The following CSMD1 variants were observed in gnomAD, a reference collection of about 807,000 sequenced individuals.
CSMD1 encodes CUB and sushi domain-containing protein 1.
In CSMD1, 213 loss-of-function variants were observed where a neutral mutation model predicts 417.5. That is an observed-to-expected ratio of 0.51 (90% CI 0.46 to 0.57). The LOEUF (loss-of-function observed/expected upper bound fraction) is 0.57, where lower values mean the gene tolerates loss of function less well. Among genes scored for constraint, CSMD1 ranks in the 20% least tolerant of loss-of-function variants. CSMD1 has a pLI of 0.00. For missense variants in CSMD1, 6,923 were observed against 4,529.7 expected, an observed-to-expected ratio of 1.53 and a Z score of -15.17; for synonymous variants, 2,862 against 1,736.8, an observed-to-expected ratio of 1.65 and a Z score of -16.11.
intron 1 of CSMD1, among the ~76,000 whole-genome samples, chr8:4,970,423 A>C (rs147023905): frequency 6.6e-6 from 1 of 152,296 alleles, no homozygotes; most frequent in East Asian, 1.9e-4. Context: ...CTTTACAAAC[A>C]TAATTCATGA....
At chr8:4,809,243 G>A (rs981938729) in intron 1 of CSMD1, among the ~76,000 whole-genome samples, 1 of 152,020 alleles carries the variant, frequency 6.6e-6, no homozygotes, top group Non-Finnish European at 1.5e-5. Flanking sequence ...TTATGAATTA[G>A]GAAAAAATAC....
intron 3 of CSMD1, among the ~76,000 whole-genome samples, chr8:4,064,505 G>A (rs1207517868): frequency 6.6e-6 from 1 of 152,176 alleles, no homozygotes; most frequent in Non-Finnish European, 1.5e-5. Flanking sequence ...CAAATGTGAG[G>A]CAGGGATAAC....
chr8:4,735,720 A>T (rs571896397), intron 1 of CSMD1, among the ~76,000 whole-genome samples: 3 of 152,224 alleles, frequency 2.0e-5, no homozygotes, highest in South Asian at 2.1e-4. Flanking sequence ...TATCTCCCTA[A>T]TATCTCCCTA....
intron 4 of CSMD1, among the ~76,000 whole-genome samples, chr8:4,023,474 T>A (rs1189110861): frequency 6.6e-6 from 1 of 152,168 alleles, no homozygotes; most frequent in Non-Finnish European, 1.5e-5. Flanking sequence ...CATTAGGGAT[T>A]GCAATGTTGG....
intron 3 of CSMD1, among the ~76,000 whole-genome samples, chr8:4,128,080 G>T (rs1802872062): frequency 6.6e-6 from 1 of 152,112 alleles, no homozygotes; most frequent in Non-Finnish European, 1.5e-5. Context: ...ACCTCAAAAT[G>T]GTTCCTCAAC....
chr8:4,870,163 A>C (rs1042453569), intron 1 of CSMD1, among the ~76,000 whole-genome samples: 1 of 152,160 alleles, frequency 6.6e-6, no homozygotes, highest in Non-Finnish European at 1.5e-5. Context: ...TTTAAACATC[A>C]TGGAAATTTA....
intron 1 of CSMD1, among the ~76,000 whole-genome samples, chr8:4,953,046 C>T (rs1486453933): frequency 7.5e-6 from 1 of 133,650 alleles, no homozygotes; most frequent in South Asian, 2.5e-4. Flanking sequence ...ACCATTAATA[C>T]GTGAGCAGAT....
chr8:3,572,070 C>T (rs1463166108), intron 10 of CSMD1, among the ~76,000 whole-genome samples: 1 of 152,122 alleles, frequency 6.6e-6, no homozygotes, highest in Non-Finnish European at 1.5e-5. Flanking sequence ...TATACTGAGT[C>T]GGTGTCCCTG....
chr8:4,865,893 T>C (rs941332336), intron 1 of CSMD1, among the ~76,000 whole-genome samples: 1 of 151,886 alleles, frequency 6.6e-6, no homozygotes, highest in Non-Finnish European at 1.5e-5. Flanking sequence ...AATCATAGGT[T>C]TGAAAGAAAA....
intron 7 of CSMD1, among the ~76,000 whole-genome samples, chr8:3,673,411 C>T (rs893140608): frequency 5.9e-5 from 9 of 152,304 alleles, no homozygotes; most frequent in South Asian, 2.1e-4. Context: ...TATTTGAAGA[C>T]GTAGCATCAA....
At chr8:4,058,673 C>G (rs1290794795) in intron 3 of CSMD1, among the ~76,000 whole-genome samples, 1 of 144,496 alleles carries the variant, frequency 6.9e-6, no homozygotes, top group Non-Finnish European at 1.5e-5. Flanking sequence ...TTTAAACCAA[C>G]AAAGATCAAA....
chr8:3,904,143 A>T (rs1448369455), intron 5 of CSMD1, among the ~76,000 whole-genome samples: 2 of 151,592 alleles, frequency 1.3e-5, no homozygotes, highest in African/African-American at 4.8e-5. Flanking sequence ...ATATTTGGAT[A>T]AATATTATTT....
At chr8:4,387,360 CA>C (rs1803520527) in intron 3 of CSMD1, among the ~76,000 whole-genome samples, 2 of 151,772 alleles carry the variant, frequency 1.3e-5, no homozygotes, top group Admixed American at 1.3e-4. Flanking sequence ...CTCAGAAGTG[CA>C]AATTTCTTCT....
At chr8:2,993,282 G>A (rs995084499) in intron 54 of CSMD1, among the ~76,000 whole-genome samples, 4 of 152,190 alleles carry the variant, frequency 2.6e-5, no homozygotes, top group Non-Finnish European at 5.9e-5. Flanking sequence ...AGCAACAAAT[G>A]GGTGTGGATT....
At chr8:4,057,317 T>G (rs561825478) in intron 3 of CSMD1, among the ~76,000 whole-genome samples, 3 of 152,346 alleles carry the variant, frequency 2.0e-5, no homozygotes, top group South Asian at 2.1e-4. Flanking sequence ...GCTTTTTGGC[T>G]GCATAAATGT....
chr8:4,614,846 T>G (rs1388013910), intron 2 of CSMD1, among the ~76,000 whole-genome samples: 3 of 152,342 alleles, frequency 2.0e-5, no homozygotes, highest in East Asian at 3.9e-4. Context: ...TAAAAATGAA[T>G]AATATGAAAA....
intron 3 of CSMD1, among the ~76,000 whole-genome samples, chr8:4,407,996 C>A (rs1449246003): frequency 6.6e-6 from 1 of 152,150 alleles, no homozygotes; most frequent in South Asian, 2.1e-4. Context: ...GAGAAAACTG[C>A]AAGTCCCCAC....
At chr8:3,965,272 A>G (rs1812594189) in intron 5 of CSMD1, among the ~76,000 whole-genome samples, 1 of 152,186 alleles carries the variant, frequency 6.6e-6, no homozygotes, top group Non-Finnish European at 1.5e-5. Flanking sequence ...CCTCCCTTAA[A>G]CAGGGAACTC....
intron 2 of CSMD1, among the ~76,000 whole-genome samples, chr8:4,471,227 T>TC (rs1800512610): frequency 6.6e-6 from 1 of 152,114 alleles, no homozygotes; most frequent in Non-Finnish European, 1.5e-5. Flanking sequence ...AGTCTCGTGT[T>TC]CCCCAAGCTC....
Sources: allele counts gnomAD v4.1 joint callset (sites outside exome capture counted in the v4.1 genomes callset), GRCh38; gene constraint gnomAD v4.1.1; transcripts MANE v1.5; gene names NCBI Gene and HGNC (gene_info 2026-07-23, HGNC 2026-07-21).